The following MYO1D variants were observed in gnomAD, a reference collection of about 807,000 sequenced individuals.
The protein encoded by MYO1D is myosin ID, also known as unconventional myosin-Id.
Under a neutral mutation model 122.0 loss-of-function variants are expected in MYO1D, and 83 were observed. The observed-to-expected ratio is 0.68, with a 90% CI of 0.57 to 0.82. The LOEUF is 0.82. Ranked by LOEUF, MYO1D falls within the 40% of genes least tolerant of loss-of-function variation. MYO1D has a pLI of 0.00. For missense variants in MYO1D, 1,157 were observed against 1,269.5 expected, an observed-to-expected ratio of 0.91 and a Z score of 1.35; for synonymous variants, 464 against 446.9, an observed-to-expected ratio of 1.04 and a Z score of -0.48.
Position 32,775,359 on chromosome 17 carries a change from A to G in MYO1D, c.564+505T>C, listed in dbSNP as rs189496736. Reference sequence around the variant, plus strand: ...CTGGTGGTCCCAAGAAGAAAATTCTAATTGGAATCCTCTAGAAATTGGGCC... The same window carrying G: ...CTGGTGGTCCCAAGAAGAAAATTCTGATTGGAATCCTCTAGAAATTGGGCC... On this transcript the variant is annotated intron_variant, in intron 4 of 21. Coordinates refer to ENST00000318217, the MANE Select transcript of MYO1D (RefSeq NM_015194.3). 2.6e-5 allele frequency among the ~76,000 whole-genome samples: 4 copies of G among 152,256 alleles called. No homozygotes were observed. In the East Asian group the frequency reaches 7.7e-4, roughly 29 times the overall value.
chr17:32,811,563 T>A (rs536944791), intron 1 of MYO1D, among the ~76,000 whole-genome samples: 1 of 151,938 alleles, frequency 6.6e-6, no homozygotes, highest in South Asian at 2.1e-4. Context: ...TTTCAAACCT[T>A]GTAGTAGACA....
intron 1 of MYO1D, among the ~76,000 whole-genome samples, chr17:32,860,122 G>A (rs1235287169): frequency 1.3e-5 from 2 of 152,170 alleles, no homozygotes; most frequent in Non-Finnish European, 2.9e-5. Flanking sequence ...TACTGTGCCT[G>A]GGTGAGATGC....
rs548581959 is a variant in MYO1D at position 32,825,328 on chromosome 17, A to G, written c.96-44544T>C. Among the ~76,000 whole-genome samples, 5 of 151,918 alleles carry G rather than the reference A, an allele frequency of 3.3e-5. No individual in the cohort carries two copies. In the South Asian group the frequency reaches 1.0e-3, roughly 32 times the overall value. On this transcript the variant is annotated intron_variant, in intron 1 of 21. Transcript: ENST00000318217. ...TTTTTTTGACACAGTGTTTTGCTCC[A>G]ATGTCTAGGCTGGAGTACAGTGGTG...
At chr17:32,762,432 T>C (rs1297090431) in intron 8 of MYO1D, among the ~76,000 whole-genome samples, 1 of 152,166 alleles carries the variant, frequency 6.6e-6, no homozygotes, top group East Asian at 1.9e-4. Flanking sequence ...CATCCTCCTC[T>C]CCCCATTTGT....
chr17:32,847,169 G>C (rs2151078599), intron 1 of MYO1D, among the ~76,000 whole-genome samples: 1 of 152,208 alleles, frequency 6.6e-6, no homozygotes, highest in South Asian at 2.1e-4. Flanking sequence ...CCTAATTTGG[G>C]AATTCTTCAT....
chr17:32,876,536 G>C lies in MYO1D; in HGVS notation c.95+242C>G, dbSNP rs565696150. Among the ~76,000 whole-genome samples the C allele has an allele frequency of 4.6e-5, 7 of 152,236 alleles. No homozygotes were observed. In the South Asian group the frequency reaches 1.5e-3, roughly 32 times the overall value. ...ACAGCGCCCAGGGCTCCCCTCTCAGGGAAGCGCGGCCCTTGAGCTCGACAC... is the reference window on the plus strand; with the variant it reads ...ACAGCGCCCAGGGCTCCCCTCTCAGCGAAGCGCGGCCCTTGAGCTCGACAC... On this transcript the variant is annotated intron_variant, in intron 1 of 21. Transcript: ENST00000318217.
At chr17:32,570,632 G>A (rs997471046) in intron 21 of MYO1D, among the ~76,000 whole-genome samples, 14 of 152,156 alleles carry the variant, frequency 9.2e-5, no homozygotes, top group African/African-American at 2.7e-4. Context: ...GATTACAGGC[G>A]TGAGCCACTG....
At chr17:32,540,327 CAAAAAA>C (rs34076937) in intron 21 of MYO1D, among the ~76,000 whole-genome samples, 1 of 69,870 alleles carries the variant, frequency 1.4e-5, no homozygotes, top group African/African-American at 6.1e-5. Context: ...GAGACTATCT[CAAAAAA>C]AAAAAAAAAA....
intron 10 of MYO1D, chr17:32,756,083 T>A (rs2089944799): frequency 4.8e-6 from 1 of 208,622 alleles, no homozygotes; most frequent in African/African-American, 2.3e-5. Context: ...CATAATAAAG[T>A]TAAGGTACTA....
chr17:32,651,099 A>G (rs537161122), intron 19 of MYO1D, among the ~76,000 whole-genome samples: 2 of 152,300 alleles, frequency 1.3e-5, no homozygotes, highest in East Asian at 3.9e-4. Flanking sequence ...GTAGGATCAG[A>G]ACAGTGTTTG....
intron 11 of MYO1D, among the ~76,000 whole-genome samples, chr17:32,749,885 T>C (rs1016366113): frequency 1.3e-5 from 2 of 152,180 alleles, no homozygotes; most frequent in African/African-American, 4.8e-5. Flanking sequence ...GGCATACACA[T>C]CTTATTCAGT....
chr17:32,525,401 TAGTC>T (rs1161631927), intron 21 of MYO1D, among the ~76,000 whole-genome samples: 1 of 152,128 alleles, frequency 6.6e-6, no homozygotes, highest in Non-Finnish European at 1.5e-5. Context: ...GTTTGATTTC[TAGTC>T]AGTATGTCTT....
intron 1 of MYO1D, among the ~76,000 whole-genome samples, chr17:32,822,611 C>T (rs553797435): frequency 0.049 from 7,342 of 148,800 alleles, 581 homozygotes; most frequent in African/African-American, 0.17. Context: ...GAGCCGGGCC[C>T]GTGGCCCGCC....
rs1047502718 is a variant in MYO1D, at chr17:32,659,166, G to A, written c.2294C>T (p.Pro765Leu). 1.2e-6 allele frequency: 2 copies of A among 1,614,188 alleles called. No homozygotes were observed. Among genetic ancestry groups the A allele is most frequent in the Non-Finnish European group, 1.7e-6 (2 of 1,180,034 alleles). The change falls in exon 17 of 22, where the codon CCT becomes CTT. Residue 765 changes from proline to leucine, a missense_variant. Physicochemically the swap from Pro to Leu is moderately conservative, Grantham distance 98. Coordinates refer to ENST00000318217, the MANE Select transcript of MYO1D (RefSeq NM_015194.3). ...DYGKHVKWPS[P>L]PKVLRRFEEA... is the part of the protein sequence containing the mutation. Reference sequence around the variant, plus strand: ...CTCAAAACGGCGAAGAACTTTAGGAGGGCTTGGCCACTTCACGTGCTTCCC... The same window carrying A: ...CTCAAAACGGCGAAGAACTTTAGGAAGGCTTGGCCACTTCACGTGCTTCCC...
At chr17:32,514,790 A>G (rs562320475) in intron 21 of MYO1D, among the ~76,000 whole-genome samples, 1 of 152,336 alleles carries the variant, frequency 6.6e-6, no homozygotes, top group South Asian at 2.1e-4. Flanking sequence ...TCCAGCTGGC[A>G]GCAGCAGCAG....
At chr17:32,782,849 C>T (rs183704268) in intron 1 of MYO1D, among the ~76,000 whole-genome samples, 4 of 151,852 alleles carry the variant, frequency 2.6e-5, no homozygotes, top group African/African-American at 9.7e-5. Context: ...GCGGGAGGAT[C>T]GGTTGAACCT....
chr17:32,750,571 T>A (rs938567198), intron 11 of MYO1D, among the ~76,000 whole-genome samples: 2 of 152,024 alleles, frequency 1.3e-5, no homozygotes, highest in African/African-American at 4.8e-5. Context: ...GCCGAGATCA[T>A]GCCACTGCAC....
chr17:32,767,445 A>G (rs1949430692), intron 7 of MYO1D, among the ~76,000 whole-genome samples, 191 bp downstream of exon 7: 1 of 152,196 alleles, frequency 6.6e-6, no homozygotes, highest in African/African-American at 2.4e-5. Context: ...CTCCAACCCT[A>G]TAGTAGCTTG....
intron 2 of MYO1D, among the ~76,000 whole-genome samples, chr17:32,779,192 T>C (rs1157551140): frequency 1.3e-5 from 2 of 152,124 alleles, no homozygotes; most frequent in Non-Finnish European, 2.9e-5. Flanking sequence ...ATTCCACTGG[T>C]AGAAATTTCT....
Sources: gnomAD v4.1 joint callset for allele counts (sites outside exome capture counted in the v4.1 genomes callset) on GRCh38, gnomAD v4.1.1 for gene constraint, MANE v1.5 for transcripts, NCBI Gene and HGNC (gene_info 2026-07-23, HGNC 2026-07-21) for gene names.